Variants in FHAD1 observed in about 807,000 individuals in gnomAD.
FHAD1 encodes the protein forkhead-associated domain-containing protein 1.
FHAD1 carries 146 observed loss-of-function variants against 191.3 expected under a neutral mutation model. That is an observed-to-expected ratio of 0.76 (90% CI 0.67 to 0.88). FHAD1 has a LOEUF of 0.88. FHAD1 is among the 40% of genes least tolerant of loss of function. The pLI is 0.00. For synonymous variants in FHAD1, 616 were observed against 672.3 expected (o/e 0.92, Z 1.29); for missense variants, 1,635 against 1,785.8 (o/e 0.92, Z 1.52).
chr1:15,386,222 C>T (rs1161046604), intron 31 of FHAD1, among the ~76,000 whole-genome samples: 1 of 152,232 alleles, frequency 6.6e-6, no homozygotes, highest in Admixed American at 6.5e-5. Context: ...ACAGAGCAAG[C>T]TCAGTTACTC....
Position 15,381,702 on chromosome 1 carries a change from C to G in FHAD1, c.4022+251C>G, listed in dbSNP as rs1314527459. On this transcript the variant is annotated intron_variant, in intron 30 of 33. Transcript: ENST00000688493. This position sits in a 1 kb window ranked among gnomAD's most constrained non-coding sequence, Gnocchi z 4.6. ...GAACTATTTTCTGTGCAAGCTGCAC[C>G]TCTTGCGACCCTTGACTTATGGTTT... 1.3e-5 allele frequency among the ~76,000 whole-genome samples: 2 copies of G among 151,820 alleles called. No individual in the cohort carries two copies. The highest frequency in any genetic ancestry group is 4.8e-5 in the African/African-American group (2 of 41,296).
chr1:15,347,027 G>A (rs953665478), intron 18 of FHAD1, among the ~76,000 whole-genome samples: 3 of 152,188 alleles, frequency 2.0e-5, no homozygotes, highest in Admixed American at 1.3e-4. Flanking sequence ...CACTGCTGCA[G>A]GAGAAACAAA....
At chr1:15,397,055 G>C (rs1354291522) in intron 33 of FHAD1, among the ~76,000 whole-genome samples, 7 of 149,924 alleles carry the variant, frequency 4.7e-5, no homozygotes, top group Admixed American at 1.3e-4. Flanking sequence ...GCTGGGCGTG[G>C]TGGCGGGCGC....
chr1:15,295,514 G>A (rs1334515710), intron 4 of FHAD1, among the ~76,000 whole-genome samples: 1 of 152,094 alleles, frequency 6.6e-6, no homozygotes, highest in Non-Finnish European at 1.5e-5. Context: ...AGCCTGAAGT[G>A]GGAAGATCAA....
chr1:15,400,582 G>A (rs949602785), downstream of FHAD1, among the ~76,000 whole-genome samples: 3 of 152,198 alleles, frequency 2.0e-5, no homozygotes, highest in Admixed American at 2.0e-4. Context: ...TCACAACGAA[G>A]GAAGGGCAGG....
Position 15,327,262 on chromosome 1 carries a change from C to A in FHAD1, c.1557+120C>A. 1 of 648,184 alleles carries A rather than the reference C, an allele frequency of 1.5e-6. No individual in the cohort carries two copies. The highest frequency in any genetic ancestry group is 2.7e-6 in the Non-Finnish European group (1 of 366,246). The allele number at this position is 648,184 out of a possible 1,614,324, so 40.2% of individuals were successfully genotyped here. A position where few individuals can be genotyped will look rare whatever the true frequency, so the allele number is the denominator to read the frequency against. ...TTTTGTTGGTGGCATATTTTTCACACTGTTGCTACACCATAAAGATTTGTT... is the reference window on the plus strand; with the variant it reads ...TTTTGTTGGTGGCATATTTTTCACAATGTTGCTACACCATAAAGATTTGTT... On this transcript the variant is annotated intron_variant, in intron 12 of 33. Coordinates refer to ENST00000688493, the MANE Select transcript of FHAD1 (RefSeq NM_001391957.1). The surrounding 1 kb of genome is among the most constrained non-coding windows in gnomAD (Gnocchi z 5.1).
chr1:15,294,397 C>T (rs1211720913), intron 4 of FHAD1, among the ~76,000 whole-genome samples: 2 of 152,012 alleles, frequency 1.3e-5, no homozygotes, highest in Admixed American at 6.6e-5. Context: ...TGGGGCTGTC[C>T]CGTGCATTGT....
At chr1:15,370,204 C>T (rs958093629) in intron 26 of FHAD1, among the ~76,000 whole-genome samples, 2 of 151,816 alleles carry the variant, frequency 1.3e-5, no homozygotes, top group Non-Finnish European at 2.9e-5. Context: ...CTTGAATTCC[C>T]GGACTCAAGA....
intron 4 of FHAD1, among the ~76,000 whole-genome samples, chr1:15,294,566 T>C (rs553182882): frequency 2.6e-4 from 39 of 152,286 alleles, no homozygotes; most frequent in African/African-American, 8.9e-4. Flanking sequence ...CTAATTTTTG[T>C]ATTTTTAGTA....
intron 21 of FHAD1, among the ~76,000 whole-genome samples, chr1:15,359,312 G>A (rs371944724): frequency 2.0e-5 from 3 of 152,126 alleles, no homozygotes; most frequent in African/African-American, 7.2e-5. Context: ...AGGGTCCTTG[G>A]AAGAGCAGGC....
At position 15,367,725 on chromosome 1, in the gene FHAD1, A is replaced by G; in HGVS notation, c.3314+103A>G. 1.0e-5 allele frequency: 9 copies of G among 871,990 alleles called. 1 individual carries two copies. In the South Asian group the frequency reaches 1.5e-4, roughly 15 times the overall value. 54.0% of individuals were successfully genotyped at this position (871,990 alleles called of 1,614,324 possible). Reference sequence around the variant, plus strand: ...CAGTACATGCTGCTTGAGGAGTTGAATGAATGAATGATATGTGTTTCATGG... The same window carrying G: ...CAGTACATGCTGCTTGAGGAGTTGAGTGAATGAATGATATGTGTTTCATGG... On this transcript the variant is annotated intron_variant, in intron 25 of 33. Coordinates refer to ENST00000688493, the MANE Select transcript of FHAD1 (RefSeq NM_001391957.1).
chr1:15,331,145 G>A (rs1330111759), intron 14 of FHAD1, among the ~76,000 whole-genome samples: 2 of 152,104 alleles, frequency 1.3e-5, no homozygotes, highest in Non-Finnish European at 2.9e-5. Flanking sequence ...TCAGAGCAAG[G>A]AATGCAGGAT....
chr1:15,383,145 T>C (rs6685602), intron 31 of FHAD1: 14,832 of 471,634 alleles, frequency 0.031, 398 homozygotes, highest in African/African-American at 0.083. Context: ...GAGCCTTGCT[T>C]TCCTCATTAG....
rs35816204 is a variant in FHAD1 at position 15,382,061 on chromosome 1, G to T, written c.4056G>T (p.Ser1352=). The T allele has an allele frequency of 1.9e-5, 30 of 1,552,144 alleles. No homozygotes were observed. The East Asian group carries it at 3.4e-4, about 18-fold the overall frequency. Residue 1352 remains serine, a synonymous_variant, in exon 31 of 34, where the codon TCG becomes TCT. Coordinates refer to ENST00000688493, the MANE Select transcript of FHAD1 (RefSeq NM_001391957.1). Reference sequence around the variant, plus strand: ...AAGTGTCCATTGAGATGTACCAGTCGCAGGTGGCAAAGCTGGAGGATGATA... The same window carrying T: ...AAGTGTCCATTGAGATGTACCAGTCTCAGGTGGCAAAGCTGGAGGATGATA... ...RSKVSIEMYQ[S]QVAKLEDDIY...
intron 2 of FHAD1, among the ~76,000 whole-genome samples, chr1:15,263,510 CTT>C (rs771788861): frequency 9.1e-4 from 68 of 75,036 alleles, no homozygotes; most frequent in African/African-American, 2.3e-3. Context: ...CAGTTTTATT[CTT>C]TTTTTTTTTT....
At chr1:15,346,012 G>A (rs182097737) in intron 18 of FHAD1, among the ~76,000 whole-genome samples, 5 of 152,080 alleles carry the variant, frequency 3.3e-5, no homozygotes, top group Non-Finnish European at 7.4e-5. Context: ...AAACTCTTAC[G>A]CCCCGGAGGA....
chr1:15,358,425 G>A (rs190614767), intron 21 of FHAD1, 142 bp downstream of exon 21: 2 of 753,780 alleles, frequency 2.7e-6, no homozygotes, highest in East Asian at 2.9e-5. Context: ...CCTGTCAGGG[G>A]CTGTCCTGAG....
chr1:15,260,372 T>C (rs11588280), intron 2 of FHAD1, among the ~76,000 whole-genome samples: 1 of 152,218 alleles, frequency 6.6e-6, no homozygotes, highest in East Asian at 1.9e-4. Flanking sequence ...TACATTTTGG[T>C]TATTGTATTC....
chr1:15,309,093 A>C (rs1294967972), intron 7 of FHAD1, among the ~76,000 whole-genome samples: 3 of 152,264 alleles, frequency 2.0e-5, no homozygotes, highest in Non-Finnish European at 4.4e-5. Flanking sequence ...AATGCAAACT[A>C]GAATGTGGCT....
Sources: allele counts gnomAD v4.1 joint callset (sites outside exome capture counted in the v4.1 genomes callset), GRCh38; gene constraint gnomAD v4.1.1; non-coding constraint Gnocchi (gnomAD v3.1); transcripts MANE v1.5; gene names NCBI Gene and HGNC (gene_info 2026-07-23, HGNC 2026-07-21).